MLYCD: variants seen among roughly 807,000 people sequenced by gnomAD.
MLYCD encodes malonyl-CoA decarboxylase, mitochondrial.
MLYCD carries 27 observed loss-of-function variants against 35.8 expected under a neutral mutation model. That is an observed-to-expected ratio of 0.75 (90% CI 0.56 to 1.04). The LOEUF is 1.04. Among genes scored for constraint, MLYCD ranks in the 50% least tolerant of loss-of-function variants. MLYCD has a pLI of 0.00. For synonymous variants in MLYCD, 403 were observed against 302.4 expected, an observed-to-expected ratio of 1.33 and a Z score of -3.45; for missense variants, 917 against 665.1, an observed-to-expected ratio of 1.38 and a Z score of -4.17.
chr16:83,909,042 T>C (rs1907080141), intron 3 of MLYCD, among the ~76,000 whole-genome samples: 1 of 152,016 alleles, frequency 6.6e-6, no homozygotes, highest in African/African-American at 2.4e-5. Context: ...AGAAGCTGAG[T>C]AGGGCAAATG....
At position 83,917,008 on chromosome 16, in the gene MLYCD, CTGTG is replaced by C. The variant is rs544404477; in HGVS notation, c.*1523_*1526del. 9.0e-6 allele frequency: 1 copy of C among 111,106 alleles called. No homozygotes were observed. Among genetic ancestry groups the C allele is most frequent in the Non-Finnish European group, 1.8e-5 (1 of 54,794 alleles). 6.9% of individuals were successfully genotyped at this position (111,106 alleles called of 1,614,324 possible). A position where few individuals can be genotyped will look rare whatever the true frequency, so the allele number is the denominator to read the frequency against. On this transcript the variant is annotated 3_prime_UTR_variant, in exon 5 of 5. Transcript: ENST00000262430. Reference sequence around the variant, plus strand: ...CCTGTGTGCGTGTGCACGAGCGTCTCTGTGTGTCAGTGCACGTCTGTGTGCGTGT... The same window carrying C: ...CCTGTGTGCGTGTGCACGAGCGTCTCTGTCAGTGCACGTCTGTGTGCGTGT...
At chr16:83,903,619 C>T (rs535974794) in intron 1 of MLYCD, among the ~76,000 whole-genome samples, 3 of 152,308 alleles carry the variant, frequency 2.0e-5, no homozygotes, top group South Asian at 4.1e-4. Context: ...CTGGTCTAAA[C>T]GGTGTCATAC....
At position 83,899,552 on chromosome 16, in the gene MLYCD, C is replaced by G. The variant is rs183593320; in HGVS notation, c.408C>G (p.Arg136=). 1.9e-4 allele frequency: 303 copies of G among 1,592,704 alleles called. No individual in the cohort carries two copies. The African/African-American group carries it at 3.4e-3, about 18-fold the overall frequency. The change falls in exon 1 of 5, where the codon CGC becomes CGG. Residue 136 remains arginine, a synonymous_variant. Coordinates refer to ENST00000262430, the MANE Select transcript of MLYCD (RefSeq NM_012213.3). ...GGCTGCGCTACGCGCTGGTGCCGCG[C>G]TATCGCGGCCTCTTCCACCACATCA... ...EDRLRYALVP[R]YRGLFHHISK...
intron 1 of MLYCD, among the ~76,000 whole-genome samples, chr16:83,905,542 G>A (rs953900781): frequency 3.3e-5 from 5 of 152,164 alleles, no homozygotes; most frequent in African/African-American, 1.2e-4. Flanking sequence ...GCTCTGCCGA[G>A]AAAAACCTTC....
Position 83,923,573 on chromosome 16 carries a change from C to G in MLYCD, c.*8084C>G, listed in dbSNP as rs563714440. On this transcript the variant is annotated 3_prime_UTR_variant, in exon 5 of 5. Coordinates refer to ENST00000262430, the MANE Select transcript of MLYCD (RefSeq NM_012213.3). ...TTCTCTGCTCTGGGCCAGGCATTCT[C>G]TGTACACGTTCCTGGTTCCAGCCTG... The G allele has an allele frequency of 6.6e-6, 1 of 152,376 alleles. No individual in the cohort carries two copies. Among genetic ancestry groups the G allele is most frequent in the East Asian group, 1.9e-4 (1 of 5,188 alleles). 9.4% of individuals were successfully genotyped at this position (152,376 alleles called of 1,614,324 possible).
At chr16:83,906,482 A>G (rs1906979624) in intron 1 of MLYCD, among the ~76,000 whole-genome samples, 2 of 152,200 alleles carry the variant, frequency 1.3e-5, no homozygotes, top group South Asian at 4.1e-4. Context: ...GAAAATGTAC[A>G]TCTCTGAGTT....
In MLYCD at chr16:83,908,194, G is replaced by A. The variant is rs1397868768; in HGVS notation, c.710G>A (p.Cys237Tyr). Residue 237 changes from cysteine to tyrosine, a missense_variant, in exon 3 of 5, where the codon TGT becomes TAT. Cys to Tyr is a radical substitution (Grantham distance 194). Transcript: ENST00000262430. ...MKRRVGPYRRCYFFSHCSTPG... is the reference protein window; with the variant it reads ...MKRRVGPYRRYYFFSHCSTPG... ...CGCCGCGTTGGGCCCTACAGAAGGT[G>A]TTACTTCTTTTCTCACTGTTCGACC... is the stretch of plus-strand genomic sequence containing the variant. 1.2e-6 allele frequency: 2 copies of A among 1,614,224 alleles called. No homozygotes were observed. Among genetic ancestry groups the A allele is most frequent in the Admixed American group, 1.7e-5 (1 of 60,028 alleles).
chr16:83,926,644 T>A lies in MLYCD; in HGVS notation c.*11155T>A, dbSNP rs1907816625. ...CGATTTCGTCCTGTGAATGTTGATA[T>A]TAGTGGTCCCTTCCTTCAGGGGCTG... is the stretch of plus-strand genomic sequence containing the variant. On this transcript the variant is annotated 3_prime_UTR_variant, in exon 5 of 5. Transcript: ENST00000262430. 6.6e-6 allele frequency: 1 copy of A among 152,304 alleles called. No homozygotes were observed. The highest frequency in any genetic ancestry group is 1.5e-5 in the Non-Finnish European group (1 of 68,074). 9.4% of individuals were successfully genotyped at this position (152,304 alleles called of 1,614,324 possible). A position where few individuals can be genotyped will look rare whatever the true frequency, so the allele number is the denominator to read the frequency against.
At chr16:83,913,268 G>T (rs146748453) in intron 4 of MLYCD, 5 of 152,378 alleles carry the variant, frequency 3.3e-5, no homozygotes, top group African/African-American at 1.2e-4. Flanking sequence ...GGGTAACAAT[G>T]AGCCGTAGCT....
Position 83,925,616 on chromosome 16 carries a change from C to G in MLYCD, c.*10127C>G, listed in dbSNP as rs1209389506. The G allele has an allele frequency of 6.6e-6, 1 of 152,476 alleles. No individual in the cohort carries two copies. 9.4% of individuals were successfully genotyped at this position (152,476 alleles called of 1,614,324 possible). On this transcript the variant is annotated 3_prime_UTR_variant, in exon 5 of 5. Transcript: ENST00000262430. ...CGTCACCCTCCCTGTCACACACAGC[C>G]CCCTCCGTGGCCTCTCAAGCCTGCT... is the stretch of plus-strand genomic sequence containing the variant.
In MLYCD at chr16:83,915,401, G is replaced by A. The variant is rs1395300408; in HGVS notation, c.1394G>A (p.Ser465Asn). The change falls in exon 5 of 5, where the codon AGC becomes AAC. Residue 465 changes from serine (S) to asparagine (N), a missense_variant. Ser to Asn is a conservative substitution (Grantham distance 46, BLOSUM62 1). Transcript: ENST00000262430. ...RYFLEETGPN[S>N]TSYLGSKIIK... ...TTCCTGGAGGAGACGGGCCCCAACAGCACCTCCTACCTCGGCTCCAAGATC... is the reference window on the plus strand; with the variant it reads ...TTCCTGGAGGAGACGGGCCCCAACAACACCTCCTACCTCGGCTCCAAGATC... 1 of 1,613,756 alleles carries A rather than the reference G, an allele frequency of 6.2e-7. No homozygotes were observed. The highest frequency in any genetic ancestry group is 1.7e-5 in the Admixed American group (1 of 60,000).
At chr16:83,911,743 C>G in intron 3 of MLYCD, 1 of 206,082 alleles carries the variant, frequency 4.9e-6, no homozygotes, top group South Asian at 8.3e-5. Flanking sequence ...TGCTTATAGC[C>G]TCTTGAGAAA....
rs754411308 is a variant in MLYCD at position 83,914,947 on chromosome 16, G to A, written c.949-9G>A. The A allele has an allele frequency of 2.5e-6, 4 of 1,614,222 alleles. No homozygotes were observed. In the South Asian group the frequency reaches 4.4e-5, roughly 18 times the overall value. ...CCGCCTTCCTTTCCACCCCAACCATGCTTTACAGAGAGAGTTTCCTCACCT... is the reference window on the plus strand; with the variant it reads ...CCGCCTTCCTTTCCACCCCAACCATACTTTACAGAGAGAGTTTCCTCACCT... On this transcript the variant is annotated splice_polypyrimidine_tract_variant and intron_variant, in intron 4 of 4. Transcript: ENST00000262430.
chr16:83,912,463 G>A (rs1907214956), intron 4 of MLYCD, 96 bp downstream of exon 4: 1 of 1,531,382 alleles, frequency 6.5e-7, no homozygotes. Context: ...GGACACAGAT[G>A]AAGACAGGAG....
chr16:83,921,761 C>G lies in MLYCD; in HGVS notation c.*6272C>G, dbSNP rs1256663025. ...CTCCTCGCTTTTCCTGAGGGATGAT[C>G]TGACCACCCATTCTTACACATGTCA... On this transcript the variant is annotated 3_prime_UTR_variant, in exon 5 of 5. Transcript: ENST00000262430. 1 of 146,742 alleles carries G rather than the reference C, an allele frequency of 6.8e-6. No homozygotes were observed. Among genetic ancestry groups the G allele is most frequent in the East Asian group, 2.1e-4 (1 of 4,752 alleles). 9.1% of individuals were successfully genotyped at this position (146,742 alleles called of 1,614,324 possible).
intron 4 of MLYCD, chr16:83,913,463 C>T (rs942621153): frequency 6.6e-6 from 1 of 152,254 alleles, no homozygotes; most frequent in Non-Finnish European, 1.5e-5. Context: ...GGCGGCCAGC[C>T]TAGAAGTCCT....
rs377161125 is a variant in MLYCD at position 83,915,081 on chromosome 16, G to T, written c.1074G>T (p.Ser358=). Residue 358 remains serine (S), a synonymous_variant, in exon 5 of 5, where the codon TCG becomes TCT. Coordinates refer to ENST00000262430, the MANE Select transcript of MLYCD (RefSeq NM_012213.3). The part of the protein sequence containing the change: ...EHGRNELFTD[S]ECKEISEITG... ...GGAGGAATGAACTCTTTACAGATTC[G>T]GAATGTAAGGAAATCTCGGAGATCA... 6 of 1,614,216 alleles carry T rather than the reference G, an allele frequency of 3.7e-6. No individual in the cohort carries two copies. The South Asian group carries it at 6.6e-5, about 18-fold the overall frequency.
In MLYCD at chr16:83,919,108, A is replaced by G. The variant is rs1907549319; in HGVS notation, c.*3619A>G. On this transcript the variant is annotated 3_prime_UTR_variant, in exon 5 of 5. Transcript: ENST00000262430. The stretch of plus-strand genomic sequence containing the variant: ...AACACGCACACACAGTGCACAGAAC[A>G]CAGACACAGTGCACAGGAGAACACA... 1 of 150,444 alleles carries G rather than the reference A, an allele frequency of 6.6e-6. No homozygotes were observed. The highest frequency in any genetic ancestry group is 1.5e-5 in the Non-Finnish European group (1 of 67,736). The allele number at this position is 150,444 out of a possible 1,614,324, so 9.3% of individuals were successfully genotyped here.
At chr16:83,901,855 G>C (rs1179453038) in intron 1 of MLYCD, among the ~76,000 whole-genome samples, 1 of 152,142 alleles carries the variant, frequency 6.6e-6, no homozygotes. Context: ...ATTGCATACT[G>C]TAATGCTAGG....
Sources: gnomAD v4.1 joint callset for allele counts (sites outside exome capture counted in the v4.1 genomes callset) on GRCh38, gnomAD v4.1.1 for gene constraint, MANE v1.5 for transcripts, NCBI Gene and HGNC (gene_info 2026-07-23, HGNC 2026-07-21) for gene names.